MTFR1: variants seen among roughly 807,000 people sequenced by gnomAD.
MTFR1 encodes mitochondrial fission regulator 1.
A neutral mutation model predicts 38.8 loss-of-function variants in MTFR1; 28 were observed. The observed-to-expected ratio is 0.72, with a 90% CI of 0.53 to 0.99. MTFR1 has a LOEUF of 0.99. Ranked by LOEUF, MTFR1 falls within the 50% of genes least tolerant of loss-of-function variation. The pLI is 0.00. For synonymous variants in MTFR1, 145 were observed against 137.0 expected, an observed-to-expected ratio of 1.06 and a Z score of -0.41; for missense variants, 358 against 395.5, an observed-to-expected ratio of 0.91 and a Z score of 0.81.
upstream of MTFR1, among the ~76,000 whole-genome samples, chr8:65,644,506 A>C (rs1808892631): frequency 6.6e-6 from 1 of 152,246 alleles, no homozygotes; most frequent in Non-Finnish European, 1.5e-5. Flanking sequence ...CCAGGACAGG[A>C]CGGTGAAGGC....
chr8:65,777,431 A>G, the MTFR1 span, among the ~76,000 whole-genome samples: 1 of 152,154 alleles, frequency 6.6e-6, no homozygotes, highest in African/African-American at 2.4e-5. Context: ...CTGTTAAACC[A>G]ATCTTATATT....
chr8:65,682,239 A>T, intron 2 of MTFR1, 114 bp from the exon 3 acceptor site: 2 of 412,608 alleles, frequency 4.8e-6, no homozygotes, highest in Non-Finnish European at 8.7e-6. Flanking sequence ...CATTTAGAGC[A>T]TTCTGATCCT....
At chr8:65,754,951 G>T (rs1224457968) in intron 3 of MTFR1, among the ~76,000 whole-genome samples, 1 of 150,434 alleles carries the variant, frequency 6.6e-6, no homozygotes, top group Non-Finnish European at 1.5e-5. Flanking sequence ...GCGACAGAGC[G>T]AGACTCCCTC....
intron 1 of MTFR1, among the ~76,000 whole-genome samples, chr8:65,662,547 G>A (rs1809462299): frequency 6.9e-6 from 1 of 145,784 alleles, no homozygotes; most frequent in South Asian, 2.1e-4. Context: ...GAGCGTCTCT[G>A]CCTGGCCGCC....
In MTFR1 at chr8:65,716,553, A is replaced by G. The variant is rs77632890; in HGVS notation, c.382-2827A>G. Among the ~76,000 whole-genome samples the G allele has an allele frequency of 1.9e-3, 292 of 152,236 alleles. 1 individual carries two copies. The highest frequency in any genetic ancestry group is 6.7e-3 in the African/African-American group (280 of 41,564). ...GGGTCTTCTGTGCACCCAAAGGGAC[A>G]TGGGTGCACGAGGCAACTTGCTTCC... is the stretch of plus-strand genomic sequence containing the variant. On this transcript the variant is annotated intron_variant, in intron 2 of 3. Transcript: ENST00000521247.
At position 65,724,914 on chromosome 8, in the gene MTFR1, T is replaced by C; in HGVS notation, c.*48+5433T>C. 2 of 1,590,238 alleles carry C rather than the reference T, an allele frequency of 1.3e-6. No individual in the cohort carries two copies. Among genetic ancestry groups the C allele is most frequent in the Non-Finnish European group, 1.7e-6 (2 of 1,167,510 alleles). On this transcript the variant is annotated intron_variant, in intron 3 of 3. Transcript: ENST00000521247. Reference sequence around the variant, plus strand: ...ATCAGAGCACCTATCTGTGTCTCCATTTGTTGCCTGGAAATAGAGAAATAT... The same window carrying C: ...ATCAGAGCACCTATCTGTGTCTCCACTTGTTGCCTGGAAATAGAGAAATAT...
At position 65,686,342 on chromosome 8, in the gene MTFR1, C is replaced by T. The variant is rs536484837; in HGVS notation, c.165+3891C>T. The stretch of plus-strand genomic sequence containing the variant: ...ATCCCAGCACTTTGGGAGGCCAATG[C>T]GGGTGGATCACCTGAGGTCAGGAGT... On this transcript the variant is annotated intron_variant, in intron 3 of 7. Coordinates refer to ENST00000262146, the MANE Select transcript of MTFR1 (RefSeq NM_014637.4). Among the ~76,000 whole-genome samples the T allele has an allele frequency of 5.3e-5, 8 of 152,154 alleles. No homozygotes were observed. In the East Asian group the frequency reaches 1.4e-3, roughly 26 times the overall value.
intron 2 of MTFR1, among the ~76,000 whole-genome samples, chr8:65,677,635 C>T (rs1455355845): frequency 1.3e-5 from 2 of 151,720 alleles, no homozygotes; most frequent in Non-Finnish European, 2.9e-5. Flanking sequence ...CCACCTCGGT[C>T]TCCCAAAATG....
intron 3 of MTFR1, chr8:65,682,782 T>C (rs892518904): frequency 1.3e-5 from 13 of 985,238 alleles, no homozygotes; most frequent in Non-Finnish European, 1.4e-5. Context: ...ACCATTATTT[T>C]TCTTCTGTAA....
At chr8:65,698,880 G>A (rs1276209225) in intron 4 of MTFR1, among the ~76,000 whole-genome samples, 2 of 152,018 alleles carry the variant, frequency 1.3e-5, no homozygotes, top group African/African-American at 2.4e-5. Context: ...AGGCGTGCAC[G>A]ACCACGCCCA....
intron 1 of MTFR1, among the ~76,000 whole-genome samples, chr8:65,648,311 C>T (rs1486842689): frequency 6.6e-6 from 1 of 152,148 alleles, no homozygotes; most frequent in Non-Finnish European, 1.5e-5. Context: ...GTCACCATGC[C>T]TGGCCCATTT....
downstream of MTFR1, among the ~76,000 whole-genome samples, chr8:65,774,366 C>T (rs1292813219): frequency 2.6e-5 from 4 of 152,102 alleles, no homozygotes; most frequent in African/African-American, 7.2e-5. Flanking sequence ...GAATGGTTCC[C>T]TCTTTATAAT....
At chr8:65,695,435 C>T (rs1245350410) in intron 4 of MTFR1, among the ~76,000 whole-genome samples, 1 of 152,062 alleles carries the variant, frequency 6.6e-6, no homozygotes, top group East Asian at 1.9e-4. Context: ...GGGCTCACTG[C>T]AACCCCCACC....
chr8:65,730,606 T>C (rs891343309), intron 3 of MTFR1, among the ~76,000 whole-genome samples: 2 of 152,082 alleles, frequency 1.3e-5, no homozygotes, highest in African/African-American at 4.8e-5. Context: ...GCCAAAAAGG[T>C]TGGCGGCCAC....
intron 3 of MTFR1, among the ~76,000 whole-genome samples, chr8:65,731,999 T>G (rs1169151712): frequency 6.6e-6 from 1 of 151,772 alleles, no homozygotes; most frequent in Non-Finnish European, 1.5e-5. Flanking sequence ...GTTGTTGTTG[T>G]TGTTGTTGTT....
chr8:65,648,106 G>C (rs1323804488), intron 1 of MTFR1, among the ~76,000 whole-genome samples: 1 of 152,000 alleles, frequency 6.6e-6, no homozygotes, highest in African/African-American at 2.4e-5. Flanking sequence ...CTGCCTCCCG[G>C]GTTCACGCCA....
At chr8:65,652,914 G>C (rs1809159655) in intron 1 of MTFR1, among the ~76,000 whole-genome samples, 1 of 152,192 alleles carries the variant, frequency 6.6e-6, no homozygotes, top group African/African-American at 2.4e-5. Flanking sequence ...TAAGGCACTT[G>C]AGCATCTGTA....
chr8:65,767,720 G>A (rs973681869), intron 3 of MTFR1, among the ~76,000 whole-genome samples: 2 of 152,204 alleles, frequency 1.3e-5, no homozygotes, highest in African/African-American at 2.4e-5. Context: ...GTTTCTTGGA[G>A]GGTGGCGTCC....
intron 2 of MTFR1, among the ~76,000 whole-genome samples, chr8:65,679,248 G>A (rs770197249): frequency 1.3e-5 from 2 of 152,178 alleles, no homozygotes; most frequent in Non-Finnish European, 2.9e-5. Context: ...GAAGAGAAAT[G>A]ACTGAATGGT....
Sources: gnomAD v4.1 joint callset for allele counts (sites outside exome capture counted in the v4.1 genomes callset) on GRCh38, gnomAD v4.1.1 for gene constraint, MANE v1.5 for transcripts, NCBI Gene and HGNC (gene_info 2026-07-23, HGNC 2026-07-21) for gene names.